The following COL16A1 variants were observed in gnomAD, a reference collection of about 807,000 sequenced individuals.
COL16A1 encodes collagen type XVI alpha 1 chain.
Under a neutral mutation model 266.3 loss-of-function variants are expected in COL16A1, and 189 were observed. The observed-to-expected ratio is 0.71, with a 90% CI of 0.63 to 0.80. The LOEUF is 0.80. COL16A1 is among the 30% of genes least tolerant of loss of function. COL16A1 has a pLI of 0.00. For synonymous variants in COL16A1, 740 were observed against 782.3 expected, an observed-to-expected ratio of 0.95 and a Z score of 0.90; for missense variants, 1,928 against 2,122.4, an observed-to-expected ratio of 0.91 and a Z score of 1.80.
rs200491490 is a variant in COL16A1, at chr1:31,682,929, C to T, written c.2538+5G>A. On this transcript the variant is annotated splice_donor_5th_base_variant and intron_variant, in intron 37 of 70. Transcript: ENST00000373672. The stretch of plus-strand genomic sequence containing the variant: ...CCACCAGCATGGAGCACAGAGAAGA[C>T]TTACCGGAGGCCCAGAGACACTGGC... The T allele has an allele frequency of 9.7e-5, 156 of 1,613,910 alleles. No homozygotes were observed. Among genetic ancestry groups the T allele is most frequent in the Non-Finnish European group, 1.3e-4 (151 of 1,179,982 alleles).
rs757155696 is a variant in COL16A1, at chr1:31,668,821, G to A, written c.3230C>T (p.Thr1077Ile). Residue 1077 changes from threonine (T) to isoleucine (I), a missense_variant, in exon 50 of 71, where the codon ACT becomes ATT. Transcript: ENST00000373672. This position sits in a 1 kb window ranked among gnomAD's most constrained non-coding sequence, Gnocchi z 5.8. ...LQGERGLTGL[T>I]GDKGEPGPPG... ...TCTTACCGGCTCCCCCTTGTCTCCA[G>A]TCAGGCCCGTGAGACCTCGCTCTCC... The A allele has an allele frequency of 9.9e-6, 16 of 1,613,706 alleles. No individual in the cohort carries two copies. The highest frequency in any genetic ancestry group is 1.3e-5 in the Non-Finnish European group (15 of 1,179,958).
At position 31,698,662 on chromosome 1, in the gene COL16A1, C is replaced by T. The variant is rs902720197; in HGVS notation, c.267-56G>A. On this transcript the variant is annotated intron_variant, in intron 4 of 70. Transcript: ENST00000373672. This position sits in a 1 kb window ranked among gnomAD's most constrained non-coding sequence, Gnocchi z 4.1. The stretch of plus-strand genomic sequence containing the variant: ...GCTCCAATGAGGACCCAAATGCTGC[C>T]CACCCTGAGCCCTCAGGACTGCTGA... 1 of 1,598,690 alleles carries T rather than the reference C, an allele frequency of 6.3e-7. No individual in the cohort carries two copies. Among genetic ancestry groups the T allele is most frequent in the Non-Finnish European group, 8.5e-7 (1 of 1,174,692 alleles).
chr1:31,700,695 G>A (rs1168744647), intron 2 of COL16A1, among the ~76,000 whole-genome samples: 6 of 152,194 alleles, frequency 3.9e-5, no homozygotes, highest in Non-Finnish European at 4.4e-5. Context: ...CAATAGGAAC[G>A]TCCTACATCC....
intron 48 of COL16A1, 111 bp downstream of exon 48, chr1:31,671,504 C>T: frequency 7.3e-7 from 1 of 1,363,888 alleles, no homozygotes; most frequent in Non-Finnish European, 1.0e-6. Flanking sequence ...AGTGGAAGTT[C>T]CCTCCTCCTG....
intron 44 of COL16A1, 40 bp downstream of exon 44, chr1:31,674,966 AC>A (rs760111456): frequency 1.0e-5 from 16 of 1,604,270 alleles, no homozygotes; most frequent in Non-Finnish European, 1.4e-5. Flanking sequence ...CTTAGGAGAC[AC>A]CCCCGCCAGC....
In COL16A1 at chr1:31,661,683, G is replaced by A. The variant is rs1641683328; in HGVS notation, c.3703C>T (p.Pro1235Ser). Reference protein sequence around the residue: ...GLRGDPGPAGPPGLMGPPGFK... With the variant: ...GLRGDPGPAGSPGLMGPPGFK... ...ACCGGTGGTCCCATGAGTCCAGGGG[G>A]GCCAGCAGGACCAGGGTCCCCCTAG... is the stretch of plus-strand genomic sequence containing the variant. The change falls in exon 59 of 71, where the codon CCC becomes TCC. Residue 1235 changes from proline to serine, a missense_variant. Transcript: ENST00000373672. The A allele has an allele frequency of 6.2e-7, 1 of 1,603,516 alleles. No individual in the cohort carries two copies. The highest frequency in any genetic ancestry group is 1.4e-5 in the African/African-American group (1 of 74,002).
At position 31,675,286 on chromosome 1, in the gene COL16A1, G is replaced by A. The variant is rs911393012; in HGVS notation, c.2798C>T (p.Pro933Leu). The A allele has an allele frequency of 3.1e-6, 5 of 1,614,170 alleles. No individual in the cohort carries two copies. The change falls in exon 43 of 71, where the codon CCA (proline) becomes CTA (leucine). Residue 933 changes from proline to leucine, a missense_variant. Physicochemically the swap from Pro to Leu is moderately conservative, Grantham distance 98. This residue lies in a region of COL16A1 where 1,552 missense variants were observed against 1,637.2 expected (regional missense o/e 0.95). Transcript: ENST00000373672. ...TTCTGCAGTGAGCCCAGGCTGTCCT[G>A]GCAAACCGTTGTTTCCAGGCACTCC... is the stretch of plus-strand genomic sequence containing the variant. ...LQGVPGNNGL[P>L]GQPGLTAELG...
At position 31,654,018 on chromosome 1, in the gene COL16A1, C is replaced by A. The variant is rs199584052; in HGVS notation, c.4383G>T (p.Arg1461Ser). The A allele has an allele frequency of 6.4e-5, 104 of 1,613,902 alleles. No individual in the cohort carries two copies. Among genetic ancestry groups the A allele is most frequent in the Middle Eastern group, 3.3e-4 (2 of 6,078 alleles). ...CCGCCATCTCCATGGGGAACTGCAT[C>A]CTGGAGGTGTAGTAAGCCATTCTCT... ...FDERMAYYTS[R>S]MQFPMEMAAA... The change falls in exon 69 of 71, where the codon AGG (arginine) becomes AGT (serine). Residue 1461 changes from arginine (R) to serine (S), a missense_variant. Physicochemically the swap from Arg to Ser is moderately radical, Grantham distance 110. Around this residue, in one of 2 missense-constraint regions of COL16A1, gnomAD observed 376 missense variants for 485.2 expected, o/e 0.77. Coordinates refer to ENST00000373672, the MANE Select transcript of COL16A1 (RefSeq NM_001856.4).
At position 31,696,125 on chromosome 1, in the gene COL16A1, G is replaced by T. The variant is rs759286285; in HGVS notation, c.881C>A (p.Thr294Lys). Residue 294 changes from threonine to lysine, a missense_variant, in exon 9 of 71, where the codon ACG (threonine) becomes AAG (lysine). Thr to Lys is a moderately conservative substitution (Grantham distance 78). This residue lies in a region of COL16A1 where 1,552 missense variants were observed against 1,637.2 expected (regional missense o/e 0.95). Transcript: ENST00000373672. ...PQNSEVDAQL[T>K]GRISQKAERG... ...TTCTGCCTTCTGGCTGATTCTTCCC[G>T]TCAGCTGGGCATCCACCTGGGCAGA... The T allele has an allele frequency of 6.2e-7, 1 of 1,601,290 alleles. No individual in the cohort carries two copies. The highest frequency in any genetic ancestry group is 8.5e-7 in the Non-Finnish European group (1 of 1,177,466).
chr1:31,701,048 G>A (rs1192313578), intron 2 of COL16A1, among the ~76,000 whole-genome samples: 1 of 152,202 alleles, frequency 6.6e-6, no homozygotes, highest in Non-Finnish European at 1.5e-5. Context: ...CAGAGGGATA[G>A]GTGGGAGAAG....
chr1:31,655,948 G>A (rs560525313), intron 66 of COL16A1: 9 of 288,806 alleles, frequency 3.1e-5, no homozygotes, highest in African/African-American at 1.1e-4. Flanking sequence ...TGTTCTCTCT[G>A]CAGCCTCTCC....
chr1:31,676,233 G>A (rs1643171112), intron 42 of COL16A1, among the ~76,000 whole-genome samples: 1 of 151,512 alleles, frequency 6.6e-6, no homozygotes, highest in Non-Finnish European at 1.5e-5. Flanking sequence ...GCTGAGACAG[G>A]AGAATCACTT....
intron 69 of COL16A1, 50 bp downstream of exon 69, chr1:31,653,817 C>A (rs1352609691): frequency 2.5e-6 from 4 of 1,582,382 alleles, no homozygotes; most frequent in Admixed American, 1.7e-5. Context: ...ATACTTAGGC[C>A]TGCCCCAAAG....
Position 31,663,696 on chromosome 1 carries a change from GTT to G in COL16A1, c.3556-1040_3556-1039del, listed in dbSNP as rs1641884341. Reference sequence around the variant, plus strand: ...GCTTGTATTTGTTTTATAGATTGAGGTTTTTACATTTGCTTTTATGTGATAAA... The same window carrying G: ...GCTTGTATTTGTTTTATAGATTGAGGTTTACATTTGCTTTTATGTGATAAA... On this transcript the variant is annotated intron_variant, in intron 56 of 70. Transcript: ENST00000373672. The surrounding 1 kb of genome is among the most constrained non-coding windows in gnomAD (Gnocchi z 4.9). Among the ~76,000 whole-genome samples, 1 of 152,142 alleles carries G rather than the reference GTT, an allele frequency of 6.6e-6. No homozygotes were observed. The highest frequency in any genetic ancestry group is 6.5e-5 in the Admixed American group (1 of 15,282).
rs1255409707 is a variant in COL16A1 at position 31,667,715 on chromosome 1, C to T, written c.3304-87G>A. 5 of 1,288,962 alleles carry T rather than the reference C, an allele frequency of 3.9e-6. No homozygotes were observed. The African/African-American group carries it at 5.9e-5, about 15-fold the overall frequency. The allele number at this position is 1,288,962 out of a possible 1,614,324, so 79.8% of individuals were successfully genotyped here. On this transcript the variant is annotated intron_variant, in intron 51 of 70. Transcript: ENST00000373672. Reference sequence around the variant, plus strand: ...TGCGAGGAGCGGAGACTGCAGCTGGCACCCAGACTGGCTCTGGGGGAATGG... The same window carrying T: ...TGCGAGGAGCGGAGACTGCAGCTGGTACCCAGACTGGCTCTGGGGGAATGG...
chr1:31,695,802 G>T lies in COL16A1; in HGVS notation c.919-15C>A, dbSNP rs753892637. 7.4e-6 allele frequency: 12 copies of T among 1,611,946 alleles called. No individual in the cohort carries two copies. Among genetic ancestry groups the T allele is most frequent in the South Asian group, 4.4e-5 (4 of 90,974 alleles). On this transcript the variant is annotated splice_polypyrimidine_tract_variant and intron_variant, in intron 9 of 70. Transcript: ENST00000373672. Reference sequence around the variant, plus strand: ...TCCTGATGGACCTGAGGAAAGGGTGGGGGGTGTGGGAATGGGCAGGGAGCT... The same window carrying T: ...TCCTGATGGACCTGAGGAAAGGGTGTGGGGTGTGGGAATGGGCAGGGAGCT...
In COL16A1 at chr1:31,652,978, T is replaced by C. The variant is rs545946893; in HGVS notation, c.4613-125A>G. ...TTTCTCAAGTTACCACATGTTTTCA[T>C]GAAGACCTAGTCTGATCCTCACGTT... is the stretch of plus-strand genomic sequence containing the variant. On this transcript the variant is annotated intron_variant, in intron 70 of 70. Coordinates refer to ENST00000373672, the MANE Select transcript of COL16A1 (RefSeq NM_001856.4). The surrounding 1 kb of genome is among the most constrained non-coding windows in gnomAD (Gnocchi z 4.8). The C allele has an allele frequency of 5.9e-6, 6 of 1,013,156 alleles. No homozygotes were observed. In the East Asian group the frequency reaches 1.8e-4, roughly 31 times the overall value. The allele number at this position is 1,013,156 out of a possible 1,614,324, so 62.8% of individuals were successfully genotyped here.
rs1276411738 is a variant in COL16A1 at position 31,662,318 on chromosome 1, C to G, written c.3681+16G>C. ...GGAGAGGAAGGGGTGCCCGCCCTCC[C>G]AGCCCATCATCTCACCCTCAAGCCA... On this transcript the variant is annotated intron_variant, in intron 58 of 70. Transcript: ENST00000373672. 1.2e-6 allele frequency: 2 copies of G among 1,603,808 alleles called. No individual in the cohort carries two copies. Among genetic ancestry groups the G allele is most frequent in the South Asian group, 2.2e-5 (2 of 89,604 alleles).
intron 68 of COL16A1, among the ~76,000 whole-genome samples, chr1:31,654,381 G>A (rs908640886): frequency 6.6e-6 from 1 of 152,172 alleles, no homozygotes; most frequent in Non-Finnish European, 1.5e-5. Flanking sequence ...GCCCTTTCAG[G>A]ACAGGGCCTG....
Sources: gnomAD v4.1 joint callset for allele counts (sites outside exome capture counted in the v4.1 genomes callset) on GRCh38, gnomAD v4.1.1 for gene constraint, gnomAD v4.1.1 regional missense constraint, Gnocchi (gnomAD v3.1) non-coding constraint, MANE v1.5 for transcripts, NCBI Gene and HGNC (gene_info 2026-07-23, HGNC 2026-07-21) for gene names.